CCDC178: variants seen among roughly 807,000 people sequenced by gnomAD.
CCDC178 encodes the protein coiled-coil domain-containing protein 178.
A neutral mutation model predicts 117.4 loss-of-function variants in CCDC178; 126 were observed. The ratio of observed to expected loss-of-function variants is 1.07; its 90% CI spans 0.93 to 1.24. The LOEUF (loss-of-function observed/expected upper bound fraction) is 1.24. Among genes scored for constraint, CCDC178 ranks in the 50% most tolerant of loss-of-function variants. CCDC178 has a pLI of 0.00. For missense variants in CCDC178, 1,030 were observed against 986.9 expected (o/e 1.04, Z -0.59); for synonymous variants, 283 against 313.4 (o/e 0.90, Z 1.02).
At chr18:33,187,186 A>ACAG (rs373126757) in intron 20 of CCDC178, among the ~76,000 whole-genome samples, 83 of 152,046 alleles carry the variant, frequency 5.5e-4, no homozygotes, top group African/African-American at 1.9e-3. Flanking sequence ...TATCATGAGA[A>ACAG]CAGCATGGGG....
At chr18:33,029,974 T>C (rs2056303927) in intron 21 of CCDC178, among the ~76,000 whole-genome samples, 1 of 152,068 alleles carries the variant, frequency 6.6e-6, no homozygotes, top group Non-Finnish European at 1.5e-5. Context: ...ATTCTATATA[T>C]TGCTGTTAGA....
chr18:33,134,320 T>C (rs1042929258), intron 20 of CCDC178, among the ~76,000 whole-genome samples: 50 of 152,130 alleles, frequency 3.3e-4, no homozygotes, highest in Middle Eastern at 6.8e-3. Context: ...AAAACTACTT[T>C]ATGAAGAGAT....
chr18:33,365,637 T>C (rs1313530830), intron 6 of CCDC178, among the ~76,000 whole-genome samples: 1 of 152,134 alleles, frequency 6.6e-6, no homozygotes, highest in African/African-American at 2.4e-5. Context: ...TTATTAATTT[T>C]GTACAATATA....
At chr18:33,333,471 T>A in intron 9 of CCDC178, 77 bp from the exon 10 acceptor site, 2 of 617,500 alleles carry the variant, frequency 3.2e-6, no homozygotes, top group Non-Finnish European at 5.1e-6. Flanking sequence ...TAAAACATTT[T>A]AATTTCAGAA....
intron 20 of CCDC178, among the ~76,000 whole-genome samples, chr18:33,100,966 C>A (rs1243452477): frequency 1.3e-5 from 2 of 151,824 alleles, no homozygotes; most frequent in African/African-American, 2.4e-5. Flanking sequence ...ATGATGTTTT[C>A]TAAATTAAAG....
intron 21 of CCDC178, among the ~76,000 whole-genome samples, chr18:33,019,448 C>T (rs1008631819): frequency 1.3e-5 from 2 of 152,134 alleles, no homozygotes; most frequent in Admixed American, 1.3e-4. Flanking sequence ...TATATGATTG[C>T]TAATTTAGTT....
chr18:33,148,441 C>T (rs76666885), intron 20 of CCDC178, among the ~76,000 whole-genome samples: 6 of 147,028 alleles, frequency 4.1e-5, no homozygotes, highest in African/African-American at 1.5e-4. Flanking sequence ...AGAGGGAGAC[C>T]GTGGGGAGAG....
intron 9 of CCDC178, among the ~76,000 whole-genome samples, chr18:33,337,150 T>G (rs1198318770): frequency 2.1e-5 from 3 of 142,490 alleles, no homozygotes; most frequent in African/African-American, 5.4e-5. Flanking sequence ...TTTTTTTTTT[T>G]GCAGCTATCA....
intron 20 of CCDC178, among the ~76,000 whole-genome samples, chr18:33,101,457 C>G (rs553574791): frequency 1.1e-4 from 16 of 151,830 alleles, no homozygotes; most frequent in African/African-American, 3.9e-4. Context: ...AAAGGCTGAT[C>G]AGTCACAGAA....
At chr18:33,041,336 C>T (rs996601745) in intron 21 of CCDC178, among the ~76,000 whole-genome samples, 1 of 151,388 alleles carries the variant, frequency 6.6e-6, no homozygotes, top group Non-Finnish European at 1.5e-5. Context: ...TATTTATATG[C>T]ATGAGTATTT....
At chr18:33,205,504 C>A (rs2059036457) in intron 20 of CCDC178, among the ~76,000 whole-genome samples, 1 of 151,906 alleles carries the variant, frequency 6.6e-6, no homozygotes, top group Non-Finnish European at 1.5e-5. Context: ...TTAAGACCTG[C>A]AAATATATAA....
At chr18:33,049,469 T>A (rs2056704966) in intron 21 of CCDC178, among the ~76,000 whole-genome samples, 1 of 151,978 alleles carries the variant, frequency 6.6e-6, no homozygotes, top group Non-Finnish European at 1.5e-5. Context: ...CTTTTTACCC[T>A]GTTTTGTTTA....
intron 7 of CCDC178, among the ~76,000 whole-genome samples, chr18:33,349,263 C>T (rs571026675): frequency 1.6e-4 from 25 of 151,902 alleles, no homozygotes; most frequent in African/African-American, 6.0e-4. Flanking sequence ...GAAAGTGTTT[C>T]TGTAAGACAA....
chr18:33,058,355 A>G (rs1567962070), intron 21 of CCDC178, among the ~76,000 whole-genome samples: 1 of 152,212 alleles, frequency 6.6e-6, no homozygotes, highest in Non-Finnish European at 1.5e-5. Context: ...ACAACATGGT[A>G]AGCCTTGAAC....
intron 15 of CCDC178, among the ~76,000 whole-genome samples, chr18:33,227,659 C>T (rs1175467845): frequency 6.6e-6 from 1 of 150,876 alleles, no homozygotes; most frequent in Non-Finnish European, 1.5e-5. Context: ...TACTTCAATA[C>T]TGAATCCCTC....
intron 3 of CCDC178, among the ~76,000 whole-genome samples, chr18:33,406,039 T>G (rs17667956): frequency 0.15 from 23,289 of 152,060 alleles, 1,986 homozygotes; most frequent in Non-Finnish European, 0.2. Context: ...GATTTTGGTA[T>G]TGCTCATAAT....
intron 5 of CCDC178, among the ~76,000 whole-genome samples, chr18:33,380,467 T>C (rs1252655632): frequency 6.6e-6 from 1 of 152,150 alleles, no homozygotes; most frequent in Non-Finnish European, 1.5e-5. Flanking sequence ...AAAGTACCTG[T>C]AGCTTTTCCC....
chr18:33,187,423 T>C (rs920840272), intron 20 of CCDC178, among the ~76,000 whole-genome samples: 1 of 152,130 alleles, frequency 6.6e-6, no homozygotes, highest in Non-Finnish European at 1.5e-5. Flanking sequence ...TCTTCTTGTA[T>C]GACATTTCCT....
intron 22 of CCDC178, among the ~76,000 whole-genome samples, chr18:32,943,505 A>T (rs1378664634): frequency 1.3e-5 from 2 of 152,134 alleles, no homozygotes; most frequent in South Asian, 2.1e-4. Flanking sequence ...TATTCTTATA[A>T]ATAAAATTGT....
Sources: allele counts gnomAD v4.1 joint callset (sites outside exome capture counted in the v4.1 genomes callset), GRCh38; gene constraint gnomAD v4.1.1; transcripts MANE v1.5; gene names NCBI Gene and HGNC (gene_info 2026-07-23, HGNC 2026-07-21).